BMAL1: variants seen among roughly 807,000 people sequenced by gnomAD.
The protein encoded by BMAL1 is basic helix-loop-helix ARNT-like protein 1.
the BMAL1 span, chr11:13,381,063 A>C: frequency 7.9e-7 from 1 of 1,259,284 alleles, no homozygotes; most frequent in South Asian, 1.3e-5. Context: ...GCCAAACCCT[A>C]ATCTAGATCT....
chr11:13,315,108 A>G, the BMAL1 span, among the ~76,000 whole-genome samples: 5 of 152,204 alleles, frequency 3.3e-5, no homozygotes, highest in African/African-American at 1.2e-4. Flanking sequence ...GCTTTTCAGA[A>G]GAGAGCCATT....
chr11:13,289,632 G>A, the BMAL1 span, among the ~76,000 whole-genome samples: 2 of 152,180 alleles, frequency 1.3e-5, no homozygotes, highest in Non-Finnish European at 2.9e-5. Flanking sequence ...AACATGCGGT[G>A]TTTGGTTTTC....
At chr11:13,305,792 G>A in the BMAL1 span, among the ~76,000 whole-genome samples, 2 of 152,136 alleles carry the variant, frequency 1.3e-5, no homozygotes, top group African/African-American at 2.4e-5. Context: ...TGTGGGTTTT[G>A]TGTGTTTGTG....
At chr11:13,328,603 T>C in the BMAL1 span, among the ~76,000 whole-genome samples, 3 of 152,238 alleles carry the variant, frequency 2.0e-5, no homozygotes, top group South Asian at 6.2e-4. Flanking sequence ...CCAGAATCCT[T>C]TCTCCTGCTG....
the BMAL1 span, chr11:13,365,352 C>A: frequency 1.1e-4 from 54 of 486,228 alleles, no homozygotes; most frequent in East Asian, 2.5e-4. Flanking sequence ...CGTTTGTTTT[C>A]AGCATCCTGC....
the BMAL1 span, among the ~76,000 whole-genome samples, chr11:13,289,270 G>T: frequency 6.6e-6 from 1 of 152,210 alleles, no homozygotes; most frequent in Non-Finnish European, 1.5e-5. Flanking sequence ...TAGCCTAGGA[G>T]AACCAGAAGA....
chr11:13,289,234 T>A, the BMAL1 span, among the ~76,000 whole-genome samples: 4 of 152,120 alleles, frequency 2.6e-5, no homozygotes, highest in Non-Finnish European at 5.9e-5. Flanking sequence ...GTTTTAATAG[T>A]GAAGATGTAC....
chr11:13,305,830 A>G, the BMAL1 span, among the ~76,000 whole-genome samples: 2,098 of 152,220 alleles, frequency 0.014, 51 homozygotes, highest in African/African-American at 0.046. Context: ...GCTGAAATAC[A>G]GTGGTTATTA....
the BMAL1 span, among the ~76,000 whole-genome samples, chr11:13,314,229 CCACACACACACA>C: frequency 1.1e-4 from 15 of 138,746 alleles, no homozygotes; most frequent in South Asian, 2.5e-4. Flanking sequence ...AGGGTGGAGA[CCACACACACACA>C]CACACACACA....
the BMAL1 span, among the ~76,000 whole-genome samples, chr11:13,337,305 G>T: frequency 6.6e-6 from 1 of 152,020 alleles, no homozygotes; most frequent in African/African-American, 2.4e-5. Context: ...AGACACATAA[G>T]AAGACTGGGA....
the BMAL1 span, among the ~76,000 whole-genome samples, chr11:13,382,129 G>C: frequency 1.7e-4 from 26 of 152,246 alleles, no homozygotes; most frequent in African/African-American, 6.3e-4. Context: ...ATGGGCGTGG[G>C]GATAGTTGCT....
At chr11:13,354,553 G>A in the BMAL1 span, 2 of 1,458,444 alleles carry the variant, frequency 1.4e-6, no homozygotes, top group Non-Finnish European at 9.1e-7. Flanking sequence ...AAGGGGATGG[G>A]AATAAAAAAC....
At chr11:13,347,513 G>A in the BMAL1 span, among the ~76,000 whole-genome samples, 884 of 152,158 alleles carry the variant, frequency 5.8e-3, 8 homozygotes, top group African/African-American at 0.021. Flanking sequence ...AATTTCATAT[G>A]GAGTTTAGTA....
chr11:13,326,579 G>A, the BMAL1 span: 1 of 152,274 alleles, frequency 6.6e-6, no homozygotes, highest in East Asian at 1.9e-4. Context: ...TAGTAGTTAA[G>A]AGTATGGGCT....
the BMAL1 span, chr11:13,369,738 A>G: frequency 6.2e-7 from 1 of 1,613,162 alleles, no homozygotes; most frequent in African/African-American, 1.3e-5. Context: ...GAAGACAAGG[A>G]CTTCCCCTCT....
At chr11:13,302,544 C>T in the BMAL1 span, among the ~76,000 whole-genome samples, 2 of 152,188 alleles carry the variant, frequency 1.3e-5, no homozygotes, top group Non-Finnish European at 1.5e-5. Context: ...GCTGTGCAAT[C>T]GCTATTTTCC....
At chr11:13,303,857 A>G in the BMAL1 span, among the ~76,000 whole-genome samples, 1 of 152,148 alleles carries the variant, frequency 6.6e-6, no homozygotes, top group Non-Finnish European at 1.5e-5. Flanking sequence ...TGTGCCGCCT[A>G]AAAAAAGGAA....
chr11:13,356,784 T>C, the BMAL1 span: 1 of 1,614,020 alleles, frequency 6.2e-7, no homozygotes, highest in African/African-American at 1.3e-5. Flanking sequence ...GAAGGTACCA[T>C]GAACCTAGTA....
the BMAL1 span, among the ~76,000 whole-genome samples, chr11:13,357,780 C>T: frequency 6.6e-6 from 1 of 152,206 alleles, no homozygotes; most frequent in Non-Finnish European, 1.5e-5. This position sits in a 1 kb window ranked among gnomAD's most constrained non-coding sequence, Gnocchi z 4.8. Context: ...CGTTGCTGCA[C>T]CTCCTTAGGA....
Sources: allele counts gnomAD v4.1 joint callset (sites outside exome capture counted in the v4.1 genomes callset), GRCh38; gene constraint gnomAD v4.1.1; non-coding constraint Gnocchi (gnomAD v3.1); transcripts MANE v1.5; gene names NCBI Gene and HGNC (gene_info 2026-07-23, HGNC 2026-07-21).